Variants in PTPRD observed in about 807,000 individuals in gnomAD.
The protein encoded by PTPRD is receptor-type tyrosine-protein phosphatase delta.
In PTPRD, 34 loss-of-function variants were observed where a neutral mutation model predicts 214.5. The ratio of observed to expected loss-of-function variants is 0.16; its 90% confidence interval spans 0.12 to 0.21. The LOEUF (loss-of-function observed/expected upper bound fraction) is 0.21, where lower values mean the gene tolerates loss of function less well. Among genes scored for constraint, PTPRD ranks in the 10% least tolerant of loss-of-function variants. The probability of loss-of-function intolerance (pLI) is 1.00; values close to 1 mark genes in which losing one functional copy is unlikely to be tolerated. For synonymous variants in PTPRD, 1,128 were observed against 845.7 expected, an observed-to-expected ratio of 1.33 and a Z score of -5.79; for missense variants, 2,545 against 2,398.7, an observed-to-expected ratio of 1.06 and a Z score of -1.27.
At position 9,324,000 on chromosome 9, in the gene PTPRD, C is replaced by T. The variant is rs140500830; in HGVS notation, c.-203+73449G>A. On this transcript the variant is annotated intron_variant, in intron 9 of 45. Coordinates refer to ENST00000381196, the MANE Select transcript of PTPRD (RefSeq NM_002839.4). Reference sequence around the variant, plus strand: ...TGATGGTTTCCAGCTTCATCCATGTCCCTACAAAGGACATGAGCTCATCCT... The same window carrying T: ...TGATGGTTTCCAGCTTCATCCATGTTCCTACAAAGGACATGAGCTCATCCT... Among the ~76,000 whole-genome samples the T allele has an allele frequency of 5.8e-3, 883 of 152,238 alleles. 8 individuals carry two copies. Among genetic ancestry groups the T allele is most frequent in the African/African-American group, 0.019 (809 of 41,530 alleles).
At chr9:8,819,311 A>G (rs996432820) in intron 11 of PTPRD, among the ~76,000 whole-genome samples, 7 of 152,114 alleles carry the variant, frequency 4.6e-5, no homozygotes, top group African/African-American at 1.4e-4. Context: ...AGGTAGACTG[A>G]TCTGTTTCAT....
chr9:10,221,972 T>A (rs1324399854), intron 3 of PTPRD, among the ~76,000 whole-genome samples: 1 of 151,964 alleles, frequency 6.6e-6, no homozygotes, highest in African/African-American at 2.4e-5. Flanking sequence ...AACATTGCTC[T>A]TCAACAGAAC....
intron 7 of PTPRD, among the ~76,000 whole-genome samples, chr9:9,587,743 T>C (rs1592285632): frequency 6.6e-6 from 1 of 151,896 alleles, no homozygotes; most frequent in South Asian, 2.1e-4. Flanking sequence ...TAAGTTGAAA[T>C]AATCTAGTCA....
intron 9 of PTPRD, among the ~76,000 whole-genome samples, chr9:9,185,269 C>T (rs2099930624): frequency 6.6e-6 from 1 of 151,998 alleles, no homozygotes; most frequent in South Asian, 2.1e-4. Flanking sequence ...GAAGTCTAGA[C>T]AAAAATAGAG....
intron 3 of PTPRD, among the ~76,000 whole-genome samples, chr9:10,160,123 C>T (rs1355650551): frequency 6.6e-6 from 1 of 151,884 alleles, no homozygotes; most frequent in African/African-American, 2.4e-5. Context: ...CACATGTAGA[C>T]TGAAAATGAA....
intron 7 of PTPRD, among the ~76,000 whole-genome samples, chr9:9,627,672 G>A (rs1005217880): frequency 1.3e-5 from 2 of 152,024 alleles, no homozygotes; most frequent in African/African-American, 4.8e-5. Context: ...AAGACTAATA[G>A]GAGACAGTGG....
At chr9:8,823,268 G>A (rs528442018) in intron 11 of PTPRD, among the ~76,000 whole-genome samples, 1 of 152,090 alleles carries the variant, frequency 6.6e-6, no homozygotes, top group South Asian at 2.1e-4. Flanking sequence ...TAAAATTCCT[G>A]GATGATTTCA....
At chr9:10,074,848 A>G (rs1051726415) in intron 3 of PTPRD, among the ~76,000 whole-genome samples, 1 of 152,130 alleles carries the variant, frequency 6.6e-6, no homozygotes, top group African/African-American at 2.4e-5. Flanking sequence ...TAATATAGCC[A>G]CCATTTCAGG....
chr9:8,644,585 C>G (rs2096647264), intron 12 of PTPRD, among the ~76,000 whole-genome samples: 1 of 152,204 alleles, frequency 6.6e-6, no homozygotes, highest in Admixed American at 6.5e-5. Flanking sequence ...CAAGCCAGGG[C>G]TGTGACTCAC....
intron 35 of PTPRD, among the ~76,000 whole-genome samples, chr9:8,432,941 T>C (rs984920829): frequency 2.0e-5 from 3 of 152,232 alleles, no homozygotes; most frequent in African/African-American, 7.2e-5. Context: ...TTCATAACTA[T>C]TTTCAAGAAG....
chr9:9,149,926 G>C (rs1359925824), intron 10 of PTPRD, among the ~76,000 whole-genome samples: 1 of 152,120 alleles, frequency 6.6e-6, no homozygotes, highest in Non-Finnish European at 1.5e-5. Context: ...TTAGAGCTTA[G>C]TATAAAAAAG....
chr9:9,715,083 A>G (rs117199872), intron 7 of PTPRD, among the ~76,000 whole-genome samples: 1 of 152,312 alleles, frequency 6.6e-6, no homozygotes, highest in East Asian at 1.9e-4. Context: ...ACCTGGGTTT[A>G]TGCTGGATCC....
chr9:10,480,051 T>C (rs1238551586), intron 2 of PTPRD, among the ~76,000 whole-genome samples: 1 of 152,168 alleles, frequency 6.6e-6, no homozygotes, highest in Admixed American at 6.5e-5. Flanking sequence ...CTGGTGAAAG[T>C]ATACTCCAAT....
At chr9:10,412,809 C>T (rs2098450854) in intron 2 of PTPRD, among the ~76,000 whole-genome samples, 1 of 151,738 alleles carries the variant, frequency 6.6e-6, no homozygotes, top group Non-Finnish European at 1.5e-5. Context: ...CTTCAACGTA[C>T]ACAAATCAAT....
intron 10 of PTPRD, among the ~76,000 whole-genome samples, chr9:9,019,789 G>C (rs1022026494): frequency 1.3e-5 from 2 of 152,166 alleles, no homozygotes; most frequent in African/African-American, 4.8e-5. Context: ...TGAAAGTGTT[G>C]TAGTGTTTCG....
chr9:9,909,576 C>A (rs913690035), intron 5 of PTPRD, among the ~76,000 whole-genome samples: 1 of 151,840 alleles, frequency 6.6e-6, no homozygotes, highest in African/African-American at 2.4e-5. Flanking sequence ...TTAGACATCA[C>A]TGTAAAATGT....
chr9:10,355,109 G>C (rs2097252882), intron 2 of PTPRD, among the ~76,000 whole-genome samples: 1 of 151,994 alleles, frequency 6.6e-6, no homozygotes, highest in Non-Finnish European at 1.5e-5. Flanking sequence ...TGGCAAAATA[G>C]CTCAGTTATT....
chr9:9,934,517 C>G (rs1335092343), intron 5 of PTPRD, among the ~76,000 whole-genome samples: 3 of 150,476 alleles, frequency 2.0e-5, no homozygotes, highest in Non-Finnish European at 4.4e-5. Flanking sequence ...TCTCCCAAGA[C>G]TAAACCAGGA....
chr9:10,258,935 A>G (rs569797833), intron 3 of PTPRD, among the ~76,000 whole-genome samples: 1 of 152,300 alleles, frequency 6.6e-6, no homozygotes, highest in South Asian at 2.1e-4. Context: ...CAACTTTAAA[A>G]CAGTATTGTT....
Sources: gnomAD v4.1 joint callset for allele counts (sites outside exome capture counted in the v4.1 genomes callset) on GRCh38, gnomAD v4.1.1 for gene constraint, MANE v1.5 for transcripts, NCBI Gene and HGNC (gene_info 2026-07-23, HGNC 2026-07-21) for gene names.